Variants in SART1 observed in about 807,000 individuals in gnomAD.
SART1 encodes the protein spliceosome associated factor 1, recruiter of U4/U6.U5 tri-snRNP.
Under a neutral mutation model 105.0 loss-of-function variants are expected in SART1, and 28 were observed. That is an observed-to-expected ratio of 0.27 (90% CI 0.20 to 0.37). The LOEUF is 0.37. Ranked by LOEUF, SART1 falls within the 10% of genes least tolerant of loss-of-function variation. The pLI, the probability that SART1 is intolerant of heterozygous loss-of-function variation, is 1.00. For missense variants in SART1, 894 were observed against 1,106.5 expected, an observed-to-expected ratio of 0.81 and a Z score of 2.72; for synonymous variants, 472 against 462.9, an observed-to-expected ratio of 1.02 and a Z score of -0.25.
chr11:65,975,101 CT>C (rs549348095), intron 12 of SART1, among the ~76,000 whole-genome samples: 413 of 128,114 alleles, frequency 3.2e-3, no homozygotes, highest in Admixed American at 4.2e-3. Context: ...TCCTGGAAGA[CT>C]TTTTTTTTTT....
At chr11:65,962,531 C>A (rs55704213) in intron 1 of SART1, among the ~76,000 whole-genome samples, 55,502 of 151,144 alleles carry the variant, frequency 0.37, 11,879 homozygotes, top group Admixed American at 0.54. Flanking sequence ...GTGTAGGGCG[C>A]ATGGTAGAGA....
rs752809474 is a variant in SART1 at position 65,964,585 on chromosome 11, G to A, written c.427+15G>A. On this transcript the variant is annotated intron_variant, in intron 3 of 19. Transcript: ENST00000312397. Reference sequence around the variant, plus strand: ...CATCAAGAAGGGTGAGTATGGGGCTGAGGATAGGGTTTGGGGGAAAGAGGC... The same window carrying A: ...CATCAAGAAGGGTGAGTATGGGGCTAAGGATAGGGTTTGGGGGAAAGAGGC... 3 of 1,602,202 alleles carry A rather than the reference G, an allele frequency of 1.9e-6. No homozygotes were observed. The highest frequency in any genetic ancestry group is 4.5e-5 in the East Asian group (2 of 44,772).
chr11:65,975,906 GTTCTC>G (rs1379463482), intron 12 of SART1, among the ~76,000 whole-genome samples: 2 of 152,100 alleles, frequency 1.3e-5, no homozygotes, highest in African/African-American at 4.8e-5. Flanking sequence ...GCATGAGTGA[GTTCTC>G]TTCCCATGTC....
intron 15 of SART1, 91 bp from the exon 16 acceptor site, chr11:65,977,472 G>T: frequency 9.6e-7 from 1 of 1,046,930 alleles, no homozygotes; most frequent in East Asian, 2.4e-5. Context: ...GGAAAGGGAG[G>T]TGCCCCCACA....
rs1489043337 is a variant in SART1, at chr11:65,965,725, C to A, written c.684C>A (p.Asp228Glu). 1 of 1,613,968 alleles carries A rather than the reference C, an allele frequency of 6.2e-7. No individual in the cohort carries two copies. Among genetic ancestry groups the A allele is most frequent in the East Asian group, 2.2e-5 (1 of 44,880 alleles). ...AGGCCAAGTTACTGGAGGAGATGGA[C>A]CAAGAGTTTGGTGTCAGCACTCTGG... ...EKRAKLLEEM[D>E]QEFGVSTLVE... Residue 228 changes from aspartate (D) to glutamate (E), a missense_variant, in exon 6 of 20, where the codon GAC (aspartate) becomes GAA (glutamate). Physicochemically the swap from Asp to Glu is conservative, Grantham distance 45 (BLOSUM62 2). Around this residue, in one of 2 missense-constraint regions of SART1, gnomAD observed 712 missense variants for 778.2 expected, o/e 0.91. Transcript: ENST00000312397.
At chr11:65,965,061 G>A in intron 3 of SART1, 31 bp from the exon 4 acceptor site, 3 of 1,550,952 alleles carry the variant, frequency 1.9e-6, no homozygotes, top group African/African-American at 1.4e-5. Context: ...CCATGGGCGG[G>A]CATAGCCTCA....
chr11:65,961,799 C>A lies in SART1; in HGVS notation c.19C>A (p.His7Asn). MGSSKK[H>N]RGEKEAAGTT... ...TGCCACTATGGGGTCGTCCAAGAAGCATCGCGGAGAGAAGGAGGCGGCCGG... is the reference window on the plus strand; with the variant it reads ...TGCCACTATGGGGTCGTCCAAGAAGAATCGCGGAGAGAAGGAGGCGGCCGG... The change falls in exon 1 of 20, where the codon CAT becomes AAT. Residue 7 changes from histidine to asparagine, a missense_variant. His to Asn is a moderately conservative substitution (Grantham distance 68, BLOSUM62 1). Around this residue, in one of 2 missense-constraint regions of SART1, gnomAD observed 712 missense variants for 778.2 expected, o/e 0.91. Transcript: ENST00000312397. 1 of 1,550,010 alleles carries A rather than the reference C, an allele frequency of 6.5e-7. No homozygotes were observed. The highest frequency in any genetic ancestry group is 1.2e-5 in the South Asian group (1 of 83,900).
chr11:65,966,077 C>T lies in SART1; in HGVS notation c.840C>T (p.Gly280=), dbSNP rs370263938. The T allele has an allele frequency of 3.7e-5, 59 of 1,613,662 alleles. No individual in the cohort carries two copies. The highest frequency in any genetic ancestry group is 4.5e-5 in the East Asian group (2 of 44,898). The change falls in exon 8 of 20, where the codon GGC becomes GGT. Residue 280 remains glycine, a splice_region_variant and synonymous_variant. Coordinates refer to ENST00000312397, the MANE Select transcript of SART1 (RefSeq NM_005146.5). ...GCCACTGCTCTGTGCTGCCCCCAGGCGTGCTGCAGGAGGAGGAGGACGTGC... is the reference window on the plus strand; with the variant it reads ...GCCACTGCTCTGTGCTGCCCCCAGGTGTGCTGCAGGAGGAGGAGGACGTGC... ...ETMILTLKDK[G]VLQEEEDVLV... is the part of the protein sequence containing the mutation.
At position 65,975,410 on chromosome 11, in the gene SART1, AT is replaced by A. The variant is rs531946236; in HGVS notation, c.1573-965del. Among the ~76,000 whole-genome samples, 779 of 110,102 alleles carry A rather than the reference AT, an allele frequency of 7.1e-3. 2 individuals carry two copies. Among genetic ancestry groups the A allele is most frequent in the African/African-American group, 0.02 (552 of 27,832 alleles). The allele number at this position is 110,102 out of a possible 152,430, so 72.2% of individuals were successfully genotyped here. On this transcript the variant is annotated intron_variant, in intron 12 of 19. Transcript: ENST00000312397. The stretch of plus-strand genomic sequence containing the variant: ...GAGCAACCACCCGGCCCCTGGAAGA[AT>A]TTTTTTTTTTTTTTTTTTTCGAGAC...
rs1273363861 is a variant in SART1 at position 65,961,804 on chromosome 11, C to A, written c.24C>A (p.Arg8=). 1 of 1,553,532 alleles carries A rather than the reference C, an allele frequency of 6.4e-7. No homozygotes were observed. Among genetic ancestry groups the A allele is most frequent in the African/African-American group, 1.4e-5 (1 of 69,540 alleles). Residue 8 remains arginine (R), a synonymous_variant, in exon 1 of 20, where the codon CGC becomes CGA. Coordinates refer to ENST00000312397, the MANE Select transcript of SART1 (RefSeq NM_005146.5). The stretch of plus-strand genomic sequence containing the variant: ...CTATGGGGTCGTCCAAGAAGCATCG[C>A]GGAGAGAAGGAGGCGGCCGGGACGA... MGSSKKH[R]GEKEAAGTTA... is the part of the protein sequence containing the mutation.
In SART1 at chr11:65,964,121, G is replaced by A. The variant is rs750579625; in HGVS notation, c.361G>A (p.Glu121Lys). 1.9e-5 allele frequency: 31 copies of A among 1,612,888 alleles called. No homozygotes were observed. The highest frequency in any genetic ancestry group is 1.7e-4 in the Middle Eastern group (1 of 6,020). The change falls in exon 2 of 20, where the codon GAG (glutamate) becomes AAG (lysine). Residue 121 changes from glutamate to lysine, a missense_variant. Glu to Lys is a moderately conservative substitution (Grantham distance 56). Transcript: ENST00000312397. ...SSGDASSLSI[E>K]ETNKLRAKLG... Reference sequence around the variant, plus strand: ...AGGCGATGCCTCCTCACTCAGCATCGAGGAGACTAAGTGAGTACTGTCTCC... The same window carrying A: ...AGGCGATGCCTCCTCACTCAGCATCAAGGAGACTAAGTGAGTACTGTCTCC...
chr11:65,967,707 C>T lies in SART1; in HGVS notation c.1458C>T (p.Ser486=), dbSNP rs756498608. 1 of 1,561,318 alleles carries T rather than the reference C, an allele frequency of 6.4e-7. No individual in the cohort carries two copies. The highest frequency in any genetic ancestry group is 1.2e-5 in the South Asian group (1 of 85,088). Residue 486 remains serine (S), a synonymous_variant, in exon 12 of 20, where the codon TCC becomes TCT. Transcript: ENST00000312397. The part of the protein sequence containing the change: ...EEEGGAPPPG[S]PQVLEEDEAE... ...AAGGTGGAGCTCCACCGCCGGGGTC[C>T]CCGCAGGTGCTGGAGGAGGACGAGG...
At chr11:65,962,252 C>T (rs985168993) in intron 1 of SART1, among the ~76,000 whole-genome samples, 159 bp downstream of exon 1, 2 of 152,144 alleles carry the variant, frequency 1.3e-5, no homozygotes, top group African/African-American at 4.8e-5. Flanking sequence ...TCCCTTGAGC[C>T]CAGGAGTTAG....
At chr11:65,967,440 G>A (rs376695466) in intron 10 of SART1, 31 bp from the exon 11 acceptor site, 82 of 1,613,522 alleles carry the variant, frequency 5.1e-5, no homozygotes, top group Middle Eastern at 1.6e-4. Context: ...CCTGGGGACC[G>A]GTGCTCACCA....
At chr11:65,964,992 CT>C (rs1488364974) in intron 3 of SART1, 99 bp from the exon 4 acceptor site, 29 of 1,445,018 alleles carry the variant, frequency 2.0e-5, no homozygotes, top group Non-Finnish European at 2.7e-5. Context: ...GTCCTGACCC[CT>C]TCTGGCCCCC....
chr11:65,965,909 T>A lies in SART1; in HGVS notation c.761T>A (p.Leu254Gln). The change falls in exon 7 of 20, where the codon CTG becomes CAG. Residue 254 changes from leucine to glutamine, a missense_variant. This residue lies in a region of SART1 where 712 missense variants were observed against 778.2 expected (regional missense o/e 0.91). Transcript: ENST00000312397. ...TAGGACCTGTACAGTGCCCGGGACC[T>A]GCAGGGCCTCACCGTGGAGCATGCC... is the stretch of plus-strand genomic sequence containing the variant. The part of the protein sequence containing the change: ...RRQDLYSARD[L>Q]QGLTVEHAID... 1 of 1,614,122 alleles carries A rather than the reference T, an allele frequency of 6.2e-7. No homozygotes were observed. The highest frequency in any genetic ancestry group is 8.5e-7 in the Non-Finnish European group (1 of 1,180,022).
rs370495034 is a variant in SART1 at position 65,966,406 on chromosome 11, A to G, written c.1038A>G (p.Pro346=). 6.2e-7 allele frequency: 1 copy of G among 1,613,906 alleles called. No homozygotes were observed. The highest frequency in any genetic ancestry group is 8.5e-7 in the Non-Finnish European group (1 of 1,180,018). Residue 346 remains proline, a synonymous_variant, in exon 9 of 20, where the codon CCA becomes CCG. Coordinates refer to ENST00000312397, the MANE Select transcript of SART1 (RefSeq NM_005146.5). ...ACGAAGAGCTTGAAGGGGAGCGGCC[A>G]CATTCCTTCCGCTTGGAGCAGGGCG... ...KYDEELEGER[P]HSFRLEQGGT...
At position 65,961,822 on chromosome 11, in the gene SART1, C is replaced by A. The variant is rs774127664; in HGVS notation, c.42C>A (p.Ala14=). ...SKKHRGEKEA[A]GTTAAAGTGG... ...AGCATCGCGGAGAGAAGGAGGCGGC[C>A]GGGACGACGGCGGCGGCCGGCACCG... is the stretch of plus-strand genomic sequence containing the variant. Residue 14 remains alanine (A), a synonymous_variant, in exon 1 of 20, where the codon GCC becomes GCA. Coordinates refer to ENST00000312397, the MANE Select transcript of SART1 (RefSeq NM_005146.5). 8.0e-5 allele frequency: 125 copies of A among 1,563,692 alleles called. No homozygotes were observed. The highest frequency in any genetic ancestry group is 1.7e-4 in the Middle Eastern group (1 of 5,768).
chr11:65,972,209 T>A (rs1328378699), intron 12 of SART1, among the ~76,000 whole-genome samples: 1 of 152,006 alleles, frequency 6.6e-6, no homozygotes, highest in Non-Finnish European at 1.5e-5. Flanking sequence ...ATTCTGAAAT[T>A]GGATAAAGTA....
Sources: gnomAD v4.1 joint callset for allele counts (sites outside exome capture counted in the v4.1 genomes callset) on GRCh38, gnomAD v4.1.1 for gene constraint, gnomAD v4.1.1 regional missense constraint, MANE v1.5 for transcripts, NCBI Gene and HGNC (gene_info 2026-07-23, HGNC 2026-07-21) for gene names.